Variants in NFAM1 observed in about 807,000 individuals in gnomAD.
The protein encoded by NFAM1 is NFAT activating protein with ITAM motif 1.
A neutral mutation model predicts 29.0 loss-of-function variants in NFAM1; 17 were observed. That is an observed-to-expected ratio of 0.59 (90% CI 0.40 to 0.88). NFAM1 has a LOEUF of 0.88. Among genes scored for constraint, NFAM1 ranks in the 40% least tolerant of loss-of-function variants. The probability of loss-of-function intolerance (pLI) is 0.00; values close to 1 mark genes in which losing one functional copy is unlikely to be tolerated. For missense variants in NFAM1, 324 were observed against 344.6 expected (o/e 0.94, Z 0.47); for synonymous variants, 175 against 147.2 (o/e 1.19, Z -1.36).
At chr22:42,418,546 A>G (rs1041087772) in intron 1 of NFAM1, among the ~76,000 whole-genome samples, 1 of 152,278 alleles carries the variant, frequency 6.6e-6, no homozygotes, top group Non-Finnish European at 1.5e-5. Flanking sequence ...ACAAAAAAGT[A>G]TCTGGGTGTA....
chr22:42,380,824 A>G lies in NFAM1; in HGVS notation c.*4337T>C, dbSNP rs553887503. ...AAAAAAAGAGAGAGAGAGAGAAAGA[A>G]AAAGGAAAAGCAGGTTTTGCCTGTA... is the stretch of plus-strand genomic sequence containing the variant. On this transcript the variant is annotated 3_prime_UTR_variant, in exon 6 of 6. Coordinates refer to ENST00000329021, the MANE Select transcript of NFAM1 (RefSeq NM_145912.8). The G allele has an allele frequency of 6.5e-6, 1 of 152,760 alleles. No homozygotes were observed. The highest frequency in any genetic ancestry group is 2.1e-4 in the South Asian group (1 of 4,832). The allele number at this position is 152,760 out of a possible 1,614,324, so 9.5% of individuals were successfully genotyped here.
intron 1 of NFAM1, among the ~76,000 whole-genome samples, chr22:42,413,365 A>C (rs1930156129): frequency 6.6e-6 from 1 of 152,174 alleles, no homozygotes; most frequent in African/African-American, 2.4e-5. Flanking sequence ...GGGGTCCCAA[A>C]GGGAGGCCAG....
chr22:42,412,407 G>A (rs1930126975), intron 1 of NFAM1, among the ~76,000 whole-genome samples: 1 of 152,174 alleles, frequency 6.6e-6, no homozygotes, highest in South Asian at 2.1e-4. Flanking sequence ...GTTTTATGAA[G>A]AAGAAGAGTC....
At chr22:42,423,069 C>T (rs938874648) in intron 1 of NFAM1, among the ~76,000 whole-genome samples, 8 of 138,742 alleles carry the variant, frequency 5.8e-5, no homozygotes, top group African/African-American at 2.2e-4. Context: ...GCCAAGATCT[C>T]GCCACTGCAC....
chr22:42,427,761 AT>A (rs1250241336), intron 1 of NFAM1, among the ~76,000 whole-genome samples: 3 of 151,324 alleles, frequency 2.0e-5, no homozygotes, highest in Admixed American at 1.3e-4. Context: ...GTATCCTTCA[AT>A]TACACAAAGT....
intron 1 of NFAM1, among the ~76,000 whole-genome samples, chr22:42,424,485 C>T (rs145483761): frequency 6.6e-6 from 1 of 152,188 alleles, no homozygotes; most frequent in African/African-American, 2.4e-5. Flanking sequence ...GAAATGACAA[C>T]AAAATCTCAA....
intron 4 of NFAM1, among the ~76,000 whole-genome samples, chr22:42,389,531 C>T (rs1019986872): frequency 6.6e-6 from 1 of 152,116 alleles, no homozygotes; most frequent in Non-Finnish European, 1.5e-5. Context: ...CCCCTCCTGG[C>T]CCTCCCTTAG....
Position 42,432,279 on chromosome 22 carries a change from G to A in NFAM1, c.79C>T (p.Leu27Phe), listed in dbSNP as rs773701165. 1 of 1,572,536 alleles carries A rather than the reference G, an allele frequency of 6.4e-7. No individual in the cohort carries two copies. The highest frequency in any genetic ancestry group is 2.3e-5 in the East Asian group (1 of 42,710). The change falls in exon 1 of 6, where the codon CTC (leucine) becomes TTC (phenylalanine). Residue 27 changes from leucine (L) to phenylalanine (F), a missense_variant. Transcript: ENST00000329021. The part of the protein sequence containing the change: ...PPGLPAAPWL[L>F]LGVLLLPGTL... ...CCGGGCAGCAGCAGCACGCCAAGGA[G>A]GAGCCAGGGGGCTGCGGGGAGCCCA...
chr22:42,436,360 T>G (rs554326753), upstream of NFAM1, among the ~76,000 whole-genome samples: 1 of 152,324 alleles, frequency 6.6e-6, no homozygotes, highest in Non-Finnish European at 1.5e-5. Context: ...AATGACCCTC[T>G]GAGCTGGCTT....
chr22:42,431,281 G>A (rs1236020616), intron 1 of NFAM1, among the ~76,000 whole-genome samples: 7 of 152,198 alleles, frequency 4.6e-5, no homozygotes, highest in South Asian at 2.1e-4. Context: ...TGGCCAGTAC[G>A]TGCCCTGCTA....
chr22:42,398,689 A>C (rs1929621508), intron 3 of NFAM1, among the ~76,000 whole-genome samples: 1 of 152,166 alleles, frequency 6.6e-6, no homozygotes, highest in Non-Finnish European at 1.5e-5. Flanking sequence ...CTGGGATTAC[A>C]GGTGTGAGCC....
At chr22:42,418,586 G>C (rs1930335000) in intron 1 of NFAM1, among the ~76,000 whole-genome samples, 1 of 152,190 alleles carries the variant, frequency 6.6e-6, no homozygotes, top group South Asian at 2.1e-4. Flanking sequence ...TCAGATACTT[G>C]GGAGGGTAAG....
chr22:42,390,620 C>G (rs1315479609), intron 4 of NFAM1, among the ~76,000 whole-genome samples: 5 of 152,060 alleles, frequency 3.3e-5, no homozygotes, highest in Non-Finnish European at 7.4e-5. Context: ...AGTTCAAGAC[C>G]AGCCCAGCCA....
At chr22:42,418,831 C>G (rs904074222) in intron 1 of NFAM1, among the ~76,000 whole-genome samples, 1 of 152,180 alleles carries the variant, frequency 6.6e-6, no homozygotes, top group African/African-American at 2.4e-5. Flanking sequence ...CAGACTTGGG[C>G]ACTGTCCCTG....
intron 1 of NFAM1, among the ~76,000 whole-genome samples, chr22:42,430,959 C>T (rs932618885): frequency 1.3e-5 from 2 of 152,120 alleles, no homozygotes; most frequent in Non-Finnish European, 1.5e-5. Flanking sequence ...GGGTGTGGGG[C>T]GAGGCGTGCA....
intron 4 of NFAM1, among the ~76,000 whole-genome samples, chr22:42,394,089 G>A (rs1446544111): frequency 1.3e-5 from 2 of 152,150 alleles, no homozygotes; most frequent in African/African-American, 2.4e-5. Context: ...AGGCTGGAGT[G>A]CAATGGCGCA....
rs909139602 is a variant in NFAM1, at chr22:42,384,179, G to C, written c.*982C>G. On this transcript the variant is annotated 3_prime_UTR_variant, in exon 6 of 6. Transcript: ENST00000329021. Reference sequence around the variant, plus strand: ...GCCTATGGCAGATAAAGATAGAGGAGGAGGGCTGGATGAAGCCACAGGTGG... The same window carrying C: ...GCCTATGGCAGATAAAGATAGAGGACGAGGGCTGGATGAAGCCACAGGTGG... 6.5e-6 allele frequency: 1 copy of C among 153,002 alleles called. No homozygotes were observed. Among genetic ancestry groups the C allele is most frequent in the Non-Finnish European group, 1.5e-5 (1 of 68,348 alleles). The allele number at this position is 153,002 out of a possible 1,614,324, so 9.5% of individuals were successfully genotyped here.
At chr22:42,405,063 G>A (rs370821192) in intron 3 of NFAM1, among the ~76,000 whole-genome samples, 5 of 152,100 alleles carry the variant, frequency 3.3e-5, no homozygotes, top group South Asian at 2.1e-4. Context: ...GCAGGGTGGT[G>A]AGAGGAGGAA....
intron 3 of NFAM1, among the ~76,000 whole-genome samples, chr22:42,398,707 C>T (rs1929621980): frequency 6.6e-6 from 1 of 152,118 alleles, no homozygotes; most frequent in South Asian, 2.1e-4. Context: ...GCCACTGCAC[C>T]CGGCCATGGG....
Sources: gnomAD v4.1 joint callset for allele counts (sites outside exome capture counted in the v4.1 genomes callset) on GRCh38, gnomAD v4.1.1 for gene constraint, MANE v1.5 for transcripts, NCBI Gene and HGNC (gene_info 2026-07-23, HGNC 2026-07-21) for gene names.